Variants in PPEF1 observed in about 807,000 individuals in gnomAD.
The protein encoded by PPEF1 is protein phosphatase with EF-hand domain 1, also known as serine/threonine-protein phosphatase with EF-hands 1.
Under a neutral mutation model 53.3 loss-of-function variants are expected in PPEF1, and 12 were observed. That is an observed-to-expected ratio of 0.23 (90% confidence interval 0.14 to 0.36). PPEF1 has a LOEUF of 0.36. PPEF1 is among the 10% of genes least tolerant of loss of function. PPEF1 has a pLI of 1.00. For synonymous variants in PPEF1, 165 were observed against 176.7 expected (o/e 0.93, Z 0.52); for missense variants, 334 against 490.4 (o/e 0.68, Z 3.01).
At chrX:18,708,999 C>G (rs144994143) in intron 1 of PPEF1, among the ~76,000 whole-genome samples, 107 of 109,722 alleles carry the variant, frequency 9.8e-4, no homozygotes, top group Middle Eastern at 4.7e-3. Flanking sequence ...CAAATCCTCT[C>G]TCTTTTTGAA....
At chrX:18,775,337 C>T (rs1602437902) in intron 6 of PPEF1, among the ~76,000 whole-genome samples, 2 of 106,400 alleles carry the variant, frequency 1.9e-5, no homozygotes, top group Admixed American at 2.0e-4. Context: ...CCTGCCTCAG[C>T]TTCACCCTCC....
intron 10 of PPEF1, among the ~76,000 whole-genome samples, chrX:18,800,327 C>T (rs975956264): frequency 1.8e-5 from 2 of 109,850 alleles, no homozygotes; most frequent in Admixed American, 9.8e-5. Flanking sequence ...AATAATATAT[C>T]CATATTTATA....
intron 7 of PPEF1, 42 bp downstream of exon 7, chrX:18,779,218 C>G: frequency 2.7e-6 from 3 of 1,102,803 alleles, no homozygotes; most frequent in Non-Finnish European, 3.7e-6. Context: ...AAGTTTCGCA[C>G]TCTGGAAAAT....
chrX:18,724,806 G>A (rs2147348084), intron 1 of PPEF1, among the ~76,000 whole-genome samples: 1 of 110,784 alleles, frequency 9.0e-6, no homozygotes, highest in African/African-American at 3.3e-5. Context: ...CAACCCCTCG[G>A]GTAGGGTCTA....
chrX:18,743,022 C>CT (rs770089841), intron 3 of PPEF1, among the ~76,000 whole-genome samples: 7 of 112,046 alleles, frequency 6.2e-5, no homozygotes, highest in South Asian at 3.7e-4. Context: ...CTGCCATACT[C>CT]TATCGGTTAA....
chrX:18,807,885 C>A (rs1218748919), intron 12 of PPEF1, among the ~76,000 whole-genome samples: 2 of 109,887 alleles, frequency 1.8e-5, no homozygotes, highest in Admixed American at 9.9e-5. Flanking sequence ...GTATTGAACT[C>A]CTGACCTCAG....
At chrX:18,773,368 T>G (rs1483119967) in intron 6 of PPEF1, among the ~76,000 whole-genome samples, 1 of 111,939 alleles carries the variant, frequency 8.9e-6, no homozygotes, top group African/African-American at 3.2e-5. Flanking sequence ...GGTATTAATA[T>G]TTCCATTCTT....
chrX:18,717,203 C>G (rs2044478869), intron 1 of PPEF1, among the ~76,000 whole-genome samples: 1 of 107,512 alleles, frequency 9.3e-6, no homozygotes, highest in African/African-American at 3.4e-5. Context: ...CATAAACACC[C>G]GTTTGAAATA....
intron 10 of PPEF1, among the ~76,000 whole-genome samples, chrX:18,794,883 A>G (rs1250761945): frequency 8.9e-6 from 1 of 112,722 alleles, no homozygotes; most frequent in East Asian, 2.8e-4. Context: ...AGGGGGTTAG[A>G]GTAGATCATG....
At chrX:18,708,507 A>G (rs752687779) in intron 1 of PPEF1, among the ~76,000 whole-genome samples, 46 of 112,292 alleles carry the variant, frequency 4.1e-4, no homozygotes, top group Middle Eastern at 4.6e-3. Flanking sequence ...AAATTAAAAT[A>G]AAAACAAGTA....
In PPEF1 at chrX:18,775,992, A is replaced by G. The variant is rs761717392; in HGVS notation, c.559-3018A>G. On this transcript the variant is annotated intron_variant, in intron 6 of 15. Transcript: ENST00000470157. ...ATGCTGAGGCAGAGCCACCCCCTTA[A>G]TCAAGTGTCCACCATCCCCTCAGGC... Among the ~76,000 whole-genome samples the G allele has an allele frequency of 3.6e-5, 4 of 111,395 alleles. No homozygotes were observed. In the South Asian group the frequency reaches 1.1e-3, roughly 31 times the overall value.
At chrX:18,685,319 A>G (rs768372069) in intron 2 of PPEF1, among the ~76,000 whole-genome samples, 7 of 112,160 alleles carry the variant, frequency 6.2e-5, no homozygotes, top group Non-Finnish European at 9.4e-5. Context: ...AGCAAAACCA[A>G]TTAGTAGGTT....
At chrX:18,742,263 C>T (rs2045192953) in intron 3 of PPEF1, among the ~76,000 whole-genome samples, 1 of 112,043 alleles carries the variant, frequency 8.9e-6, no homozygotes, top group Non-Finnish European at 1.9e-5. Context: ...TTAAATGGTG[C>T]TGCTATGTAC....
chrX:18,703,921 C>CTT (rs144154361), upstream of PPEF1, among the ~76,000 whole-genome samples: 1 of 88,404 alleles, frequency 1.1e-5, no homozygotes, highest in African/African-American at 4.2e-5. Context: ...AAAAACATAC[C>CTT]TTTTTTTTTT....
chrX:18,805,316 T>C lies in PPEF1; in HGVS notation c.1252-1087T>C, dbSNP rs770824784. Reference sequence around the variant, plus strand: ...CACCTTTTTCTATAGTGAACAGCAATAAATAAAAATGGACACCAAGTTGTG... The same window carrying C: ...CACCTTTTTCTATAGTGAACAGCAACAAATAAAAATGGACACCAAGTTGTG... On this transcript the variant is annotated intron_variant, in intron 11 of 15. Transcript: ENST00000470157. Among the ~76,000 whole-genome samples the C allele has an allele frequency of 9.9e-5, 11 of 111,632 alleles. No homozygotes were observed. In the East Asian group the frequency reaches 3.1e-3, roughly 32 times the overall value.
intron 10 of PPEF1, among the ~76,000 whole-genome samples, chrX:18,803,361 C>T (rs1282090924): frequency 6.2e-5 from 7 of 112,704 alleles, no homozygotes; most frequent in African/African-American, 1.3e-4. Context: ...AACCTTCCAG[C>T]GTGGGCGTTA....
chrX:18,693,759 G>A (rs1929550943), intron 4 of PPEF1, among the ~76,000 whole-genome samples: 1 of 111,468 alleles, frequency 9.0e-6, no homozygotes, highest in Non-Finnish European at 1.9e-5. Context: ...GTAGAGACAC[G>A]TTTTCACCGT....
intron 3 of PPEF1, among the ~76,000 whole-genome samples, chrX:18,748,676 C>T (rs1472100778): frequency 8.9e-6 from 1 of 112,215 alleles, no homozygotes; most frequent in African/African-American, 3.2e-5. Flanking sequence ...CCAGAACAAA[C>T]ACTGGTGGCT....
At chrX:18,685,274 T>A (rs1929025145) in intron 2 of PPEF1, among the ~76,000 whole-genome samples, 1 of 112,368 alleles carries the variant, frequency 8.9e-6, no homozygotes, top group Non-Finnish European at 1.9e-5. Context: ...TGGATACAAT[T>A]TGGGTAGAGT....
Sources: allele counts gnomAD v4.1 joint callset (sites outside exome capture counted in the v4.1 genomes callset), GRCh38; gene constraint gnomAD v4.1.1; transcripts MANE v1.5; gene names NCBI Gene and HGNC (gene_info 2026-07-23, HGNC 2026-07-21).